TAF3: variants seen among roughly 807,000 people sequenced by gnomAD.
The protein encoded by TAF3 is TATA-box binding protein associated factor 3.
TAF3 carries 7 observed loss-of-function variants against 80.6 expected under a neutral mutation model. The ratio of observed to expected loss-of-function variants is 0.09; its 90% CI spans 0.05 to 0.16. TAF3 has a LOEUF of 0.16. TAF3 is among the 10% of genes least tolerant of loss of function. The probability of loss-of-function intolerance (pLI) is 1.00; values close to 1 mark genes in which losing one functional copy is unlikely to be tolerated. For synonymous variants in TAF3, 444 were observed against 446.1 expected (o/e 1.00, Z 0.06); for missense variants, 921 against 1,140.2 (o/e 0.81, Z 2.77).
In TAF3 at chr10:8,013,808, G is replaced by T; in HGVS notation, c.2646G>T (p.Gly882=). The change falls in exon 6 of 7, where the codon GGG becomes GGT. Residue 882 remains glycine (G), a synonymous_variant. Coordinates refer to ENST00000344293, the MANE Select transcript of TAF3 (RefSeq NM_031923.4). ...CTGACGATGGGAGTCCCATGATTGG[G>T]TGTGACGACTGCGATGACTGGTACC... is the stretch of plus-strand genomic sequence containing the variant. ...NKPDDGSPMI[G]CDDCDDWYHW... 6.2e-7 allele frequency: 1 copy of T among 1,614,150 alleles called. No homozygotes were observed. Among genetic ancestry groups the T allele is most frequent in the Non-Finnish European group, 8.5e-7 (1 of 1,180,018 alleles).
At chr10:7,966,684 G>A (rs1831574738) in intron 3 of TAF3, among the ~76,000 whole-genome samples, 1 of 152,150 alleles carries the variant, frequency 6.6e-6, no homozygotes, top group Non-Finnish European at 1.5e-5. Context: ...ATACCCAGTA[G>A]TTTTGTTCAT....
chr10:7,831,021 G>T (rs769037793), intron 2 of TAF3, among the ~76,000 whole-genome samples: 3 of 152,164 alleles, frequency 2.0e-5, no homozygotes, highest in Non-Finnish European at 4.4e-5. Flanking sequence ...ACTTTTGTTG[G>T]TGTTAGCAGT....
chr10:7,859,306 AT>A (rs1564349763), intron 2 of TAF3, among the ~76,000 whole-genome samples: 12 of 135,196 alleles, frequency 8.9e-5, no homozygotes, highest in Non-Finnish European at 1.3e-4. Flanking sequence ...AAATAAATAA[AT>A]AAATAAATAA....
At chr10:7,827,931 G>A (rs1043355063) in intron 2 of TAF3, among the ~76,000 whole-genome samples, 2 of 152,138 alleles carry the variant, frequency 1.3e-5, no homozygotes, top group Admixed American at 6.5e-5. Flanking sequence ...ACTCCAGCCT[G>A]AGTGACAGCG....
intron 2 of TAF3, among the ~76,000 whole-genome samples, chr10:7,946,128 T>C (rs1838021892): frequency 6.6e-6 from 1 of 152,176 alleles, no homozygotes; most frequent in African/African-American, 2.4e-5. Flanking sequence ...TAGAGTCATC[T>C]TTCTCGAAAC....
chr10:7,880,273 C>G (rs554596628), intron 2 of TAF3, among the ~76,000 whole-genome samples: 1 of 152,216 alleles, frequency 6.6e-6, no homozygotes, highest in East Asian at 1.9e-4. Flanking sequence ...GTAACTTACT[C>G]CTTAGACTTT....
chr10:8,010,874 C>T (rs965740753), intron 5 of TAF3, among the ~76,000 whole-genome samples: 3 of 152,084 alleles, frequency 2.0e-5, no homozygotes, highest in African/African-American at 7.2e-5. Flanking sequence ...TACCACTGCT[C>T]TCTAGCCTGA....
Position 7,916,902 on chromosome 10 carries a change from A to G in TAF3, c.410-47018A>G, listed in dbSNP as rs531439099. On this transcript the variant is annotated intron_variant, in intron 2 of 6. Coordinates refer to ENST00000344293, the MANE Select transcript of TAF3 (RefSeq NM_031923.4). ...GAAGTAAGTTAATTGACAAAAAGAA[A>G]TGTAATTGGGTTCGTACTCAATTAT... Among the ~76,000 whole-genome samples, 18 of 152,336 alleles carry G rather than the reference A, an allele frequency of 1.2e-4. No homozygotes were observed. In the South Asian group the frequency reaches 3.1e-3, roughly 26 times the overall value.
chr10:8,004,152 G>A (rs2131437450), intron 4 of TAF3, among the ~76,000 whole-genome samples: 1 of 152,196 alleles, frequency 6.6e-6, no homozygotes, highest in African/African-American at 2.4e-5. Flanking sequence ...CCAGGTTTGA[G>A]TGATTCTCCT....
At chr10:7,961,035 A>G (rs545671567) in intron 2 of TAF3, among the ~76,000 whole-genome samples, 3 of 152,210 alleles carry the variant, frequency 2.0e-5, no homozygotes, top group Non-Finnish European at 4.4e-5. Flanking sequence ...CGTGTTCGGA[A>G]GATCACCGTA....
intron 2 of TAF3, among the ~76,000 whole-genome samples, chr10:7,834,809 T>TA (rs921080679): frequency 2.0e-5 from 3 of 152,132 alleles, no homozygotes; most frequent in Admixed American, 6.5e-5. Context: ...CTGAAACAGG[T>TA]AAAAAAAATT....
intron 2 of TAF3, among the ~76,000 whole-genome samples, chr10:7,869,822 C>G (rs1460371560): frequency 6.6e-6 from 1 of 152,164 alleles, no homozygotes; most frequent in Non-Finnish European, 1.5e-5. Context: ...ATAGTTCTGT[C>G]TTGCATGCCT....
chr10:7,957,961 T>A (rs1005695938), intron 2 of TAF3, among the ~76,000 whole-genome samples: 24 of 136,276 alleles, frequency 1.8e-4, no homozygotes, highest in Non-Finnish European at 3.2e-4. Context: ...ATTAAGCTTA[T>A]GCTGACCAAA....
intron 1 of TAF3, among the ~76,000 whole-genome samples, chr10:7,823,460 A>T (rs1018959867): frequency 2.0e-5 from 3 of 151,816 alleles, no homozygotes; most frequent in Non-Finnish European, 2.9e-5. Context: ...GCAAGAACTC[A>T]TCTCTACAAA....
At chr10:7,858,399 C>G (rs1049898205) in intron 2 of TAF3, among the ~76,000 whole-genome samples, 2 of 152,182 alleles carry the variant, frequency 1.3e-5, no homozygotes, top group African/African-American at 2.4e-5. Flanking sequence ...CCTTTAGAAC[C>G]TCCTGGATGA....
chr10:7,899,747 A>G (rs990319434), intron 2 of TAF3, among the ~76,000 whole-genome samples: 2 of 152,238 alleles, frequency 1.3e-5, no homozygotes, highest in African/African-American at 4.8e-5. Flanking sequence ...CATTAAATAA[A>G]TCATGTTTTT....
chr10:7,879,352 C>T (rs1837338984), intron 2 of TAF3, among the ~76,000 whole-genome samples: 1 of 152,072 alleles, frequency 6.6e-6, no homozygotes, highest in African/African-American at 2.4e-5. Flanking sequence ...ACTATGGTTT[C>T]AGTTGGTAAC....
intron 2 of TAF3, among the ~76,000 whole-genome samples, chr10:7,865,196 G>A (rs1837198214): frequency 2.0e-5 from 3 of 152,228 alleles, no homozygotes; most frequent in Admixed American, 6.5e-5. Flanking sequence ...GGCCGGGCAT[G>A]GTGGCTCATG....
chr10:7,938,044 A>C (rs1392043035), intron 2 of TAF3, among the ~76,000 whole-genome samples: 2 of 152,242 alleles, frequency 1.3e-5, no homozygotes, highest in Non-Finnish European at 2.9e-5. Flanking sequence ...CCAGAATAAG[A>C]TACCTGTATT....
Sources: allele counts gnomAD v4.1 joint callset (sites outside exome capture counted in the v4.1 genomes callset), GRCh38; gene constraint gnomAD v4.1.1; transcripts MANE v1.5; gene names NCBI Gene and HGNC (gene_info 2026-07-23, HGNC 2026-07-21).